Variants in EPB41L3 observed in about 807,000 individuals in gnomAD.
EPB41L3 encodes erythrocyte membrane protein band 4.1 like 3.
EPB41L3 carries 57 observed loss-of-function variants against 127.1 expected under a neutral mutation model. That is an observed-to-expected ratio of 0.45 (90% confidence interval 0.36 to 0.56). The LOEUF is 0.56. EPB41L3 is among the 20% of genes least tolerant of loss of function. The pLI, the probability that EPB41L3 is intolerant of heterozygous loss-of-function variation, is 0.00. For missense variants in EPB41L3, 1,273 were observed against 1,372.2 expected (o/e 0.93, Z 1.14); for synonymous variants, 572 against 549.5 (o/e 1.04, Z -0.57).
At chr18:5,544,194 G>T (rs138850210), upstream of EPB41L3, 21 of 985,512 alleles carry the variant, frequency 2.1e-5, no homozygotes, top group Non-Finnish European at 2.4e-5. Flanking sequence ...ACAGTTACAT[G>T]GGCACAGCCT....
At chr18:5,533,486 C>G (rs947056086) in intron 1 of EPB41L3, among the ~76,000 whole-genome samples, 13 of 152,266 alleles carry the variant, frequency 8.5e-5, no homozygotes, top group African/African-American at 2.9e-4. Context: ...CTAAACATAG[C>G]AACATTTGTA....
intron 9 of EPB41L3, 50 bp downstream of exon 9, chr18:5,428,263 C>T (rs1319339022): frequency 6.2e-7 from 1 of 1,602,998 alleles, no homozygotes; most frequent in South Asian, 1.1e-5. Context: ...TGCTTGCTTG[C>T]TATCAGGGAT....
chr18:5,555,048 G>A (rs1011903159), intron 3 of EPB41L3, among the ~76,000 whole-genome samples: 7 of 152,148 alleles, frequency 4.6e-5, no homozygotes, highest in African/African-American at 1.2e-4. Context: ...TTTTGATTGC[G>A]CTTCACATGC....
chr18:5,566,723 CATTCTATTCTATTCT>C (rs57567803), intron 3 of EPB41L3, among the ~76,000 whole-genome samples: 3,188 of 112,382 alleles, frequency 0.028, 106 homozygotes, highest in African/African-American at 0.077. Context: ...TTTTCTATTC[CATTCTATTCTATTCT>C]ATTCTATTCT....
At chr18:5,549,731 TGA>T (rs2093937648) in intron 3 of EPB41L3, among the ~76,000 whole-genome samples, 1 of 152,082 alleles carries the variant, frequency 6.6e-6, no homozygotes. Context: ...GTTCCCCAGG[TGA>T]TTATAAATCA....
At chr18:5,521,432 A>G (rs1159203727) in intron 1 of EPB41L3, 3 of 152,224 alleles carry the variant, frequency 2.0e-5, no homozygotes, top group African/African-American at 7.2e-5. Flanking sequence ...AATGCCAGGA[A>G]TTTGTCAGGG....
At chr18:5,443,200 C>G (rs559981406) in intron 5 of EPB41L3, among the ~76,000 whole-genome samples, 1 of 152,212 alleles carries the variant, frequency 6.6e-6, no homozygotes, top group South Asian at 2.1e-4. Flanking sequence ...ATGATTGAAC[C>G]AACTTACTCT....
chr18:5,396,980 C>T, intron 18 of EPB41L3, 78 bp downstream of exon 18: 1 of 1,450,748 alleles, frequency 6.9e-7, no homozygotes, highest in Admixed American at 2.2e-5. Flanking sequence ...TTAGCTCCAC[C>T]TTTATGCTGA....
intron 16 of EPB41L3, chr18:5,399,704 A>G (rs2074174647): frequency 5.0e-6 from 1 of 202,004 alleles, no homozygotes; most frequent in Admixed American, 5.9e-5. Context: ...AGATTAAATA[A>G]CATTATTGAT....
intron 3 of EPB41L3, among the ~76,000 whole-genome samples, chr18:5,449,856 T>C (rs1164301331): frequency 6.6e-6 from 1 of 152,226 alleles, no homozygotes; most frequent in Admixed American, 6.5e-5. Context: ...CCTATACATA[T>C]ATACTTATGA....
At chr18:5,547,337 G>A (rs993804999), upstream of EPB41L3, among the ~76,000 whole-genome samples, 7 of 152,200 alleles carry the variant, frequency 4.6e-5, no homozygotes, top group African/African-American at 1.4e-4. Flanking sequence ...CTTGGGTCCA[G>A]TAAATGCCGT....
intron 1 of EPB41L3, among the ~76,000 whole-genome samples, chr18:5,520,868 A>G (rs1322244418): frequency 6.6e-6 from 1 of 152,224 alleles, no homozygotes; most frequent in Non-Finnish European, 1.5e-5. Flanking sequence ...TTAATACAAG[A>G]AACCTTTAAG....
intron 9 of EPB41L3, among the ~76,000 whole-genome samples, chr18:5,425,688 T>C (rs1264588166): frequency 6.6e-6 from 1 of 152,172 alleles, no homozygotes; most frequent in African/African-American, 2.4e-5. Context: ...TCCAATTTCT[T>C]CTCACTCACT....
intron 3 of EPB41L3, among the ~76,000 whole-genome samples, chr18:5,597,165 T>G (rs7242519): frequency 0.012 from 1,878 of 152,292 alleles, 30 homozygotes; most frequent in African/African-American, 0.043. Flanking sequence ...AATCTACCAT[T>G]TGTTCCTAAT....
intron 13 of EPB41L3, among the ~76,000 whole-genome samples, chr18:5,413,996 A>C (rs1237474154): frequency 6.6e-6 from 1 of 152,262 alleles, no homozygotes; most frequent in East Asian, 1.9e-4. Context: ...GATTAGGCAC[A>C]AGATCTGTGT....
intron 3 of EPB41L3, among the ~76,000 whole-genome samples, chr18:5,560,797 G>A (rs969710436): frequency 1.3e-5 from 2 of 151,986 alleles, no homozygotes; most frequent in Admixed American, 1.3e-4. Flanking sequence ...GGAGAACGAA[G>A]GACTTACTAC....
At chr18:5,559,743 A>G (rs1025589135) in intron 3 of EPB41L3, among the ~76,000 whole-genome samples, 24 of 150,002 alleles carry the variant, frequency 1.6e-4, no homozygotes, top group Non-Finnish European at 3.1e-4. Context: ...ACCTCCTTAG[A>G]AAAAAATCCT....
At chr18:5,405,830 A>G (rs1216111071) in intron 16 of EPB41L3, among the ~76,000 whole-genome samples, 1 of 152,042 alleles carries the variant, frequency 6.6e-6, no homozygotes, top group Non-Finnish European at 1.5e-5. Context: ...CAAAAAAAAA[A>G]AAAAATCTCT....
chr18:5,425,633 G>A (rs540117018), intron 9 of EPB41L3, among the ~76,000 whole-genome samples: 1 of 152,060 alleles, frequency 6.6e-6, no homozygotes, highest in Non-Finnish European at 1.5e-5. Flanking sequence ...CTATTTCTCT[G>A]TGTTTTATAT....
Sources: allele counts gnomAD v4.1 joint callset (sites outside exome capture counted in the v4.1 genomes callset), GRCh38; gene constraint gnomAD v4.1.1; transcripts MANE v1.5; gene names NCBI Gene and HGNC (gene_info 2026-07-23, HGNC 2026-07-21).